The following ZNF407 variants were observed in gnomAD, a reference collection of about 807,000 sequenced individuals.
ZNF407 encodes zinc finger protein 407.
A neutral mutation model predicts 131.2 loss-of-function variants in ZNF407; 17 were observed. The observed-to-expected ratio is 0.13, with a 90% CI of 0.09 to 0.19. The LOEUF (loss-of-function observed/expected upper bound fraction) is 0.19. Among genes scored for constraint, ZNF407 ranks in the 10% least tolerant of loss-of-function variants. The pLI is 1.00. For synonymous variants in ZNF407, 1,156 were observed against 1,062.0 expected (o/e 1.09, Z -1.72); for missense variants, 2,681 against 2,830.6 (o/e 0.95, Z 1.20).
At chr18:74,964,232 G>T (rs771441750) in intron 8 of ZNF407, among the ~76,000 whole-genome samples, 9 of 152,216 alleles carry the variant, frequency 5.9e-5, no homozygotes, top group Non-Finnish European at 1.3e-4. Flanking sequence ...GTCTGGCCAT[G>T]TACTAAGCAC....
intron 1 of ZNF407, among the ~76,000 whole-genome samples, chr18:74,599,349 C>T (rs771580953): frequency 4.6e-5 from 7 of 152,058 alleles, no homozygotes; most frequent in Non-Finnish European, 1.0e-4. Context: ...TTAAGATTTA[C>T]AGAAAAGTTG....
At chr18:74,846,275 A>G (rs1455582251) in intron 4 of ZNF407, among the ~76,000 whole-genome samples, 1 of 152,190 alleles carries the variant, frequency 6.6e-6, no homozygotes, top group African/African-American at 2.4e-5. Flanking sequence ...ATCAGTTCAT[A>G]TACAGTGTTG....
intron 3 of ZNF407, among the ~76,000 whole-genome samples, chr18:74,711,000 A>G (rs1396469725): frequency 2.9e-5 from 2 of 69,456 alleles, no homozygotes; most frequent in Non-Finnish European, 6.5e-5. Context: ...CATGGATGCT[A>G]TTATCAATTC....
chr18:74,853,289 G>A (rs140617525), intron 4 of ZNF407, among the ~76,000 whole-genome samples: 252 of 152,248 alleles, frequency 1.7e-3, no homozygotes, highest in Middle Eastern at 0.014. Context: ...AGAGTAAATC[G>A]TAGAAAGCCT....
At position 74,763,871 on chromosome 18, in the gene ZNF407, G is replaced by T. The variant is rs528245353; in HGVS notation, c.4803-17557G>T. Among the ~76,000 whole-genome samples the T allele has an allele frequency of 3.1e-3, 473 of 151,014 alleles. 1 individual carries two copies. Among genetic ancestry groups the T allele is most frequent in the African/African-American group, 0.011 (445 of 41,194 alleles). On this transcript the variant is annotated intron_variant, in intron 3 of 8. Transcript: ENST00000299687. The stretch of plus-strand genomic sequence containing the variant: ...ACTACAGGCGCCCGCTACCACGCCC[G>T]GCTAATTTTTTTTTTGTATTTTTAG...
intron 4 of ZNF407, among the ~76,000 whole-genome samples, chr18:74,790,622 CTCTTA>C (rs1969808683): frequency 6.6e-6 from 1 of 152,158 alleles, no homozygotes; most frequent in African/African-American, 2.4e-5. Flanking sequence ...ATGCCTTAAG[CTCTTA>C]TCTTTAACTC....
At chr18:74,619,159 T>A (rs1205680750) in intron 1 of ZNF407, among the ~76,000 whole-genome samples, 1 of 152,196 alleles carries the variant, frequency 6.6e-6, no homozygotes, top group Non-Finnish European at 1.5e-5. Context: ...ATTATTAAGA[T>A]ACTTTTTTCT....
At chr18:74,957,692 A>T (rs1292304790) in intron 8 of ZNF407, among the ~76,000 whole-genome samples, 1 of 152,204 alleles carries the variant, frequency 6.6e-6, no homozygotes, top group Non-Finnish European at 1.5e-5. Flanking sequence ...GAAGGTAGAC[A>T]GTGCCGTAAT....
chr18:74,937,287 C>G (rs1972049729), intron 8 of ZNF407, among the ~76,000 whole-genome samples: 1 of 152,090 alleles, frequency 6.6e-6, no homozygotes, highest in South Asian at 2.1e-4. Flanking sequence ...CACTATTTGC[C>G]AGATATGAGG....
intron 3 of ZNF407, among the ~76,000 whole-genome samples, chr18:74,777,226 T>G (rs1180457387): frequency 6.6e-6 from 1 of 152,216 alleles, no homozygotes; most frequent in East Asian, 1.9e-4. Flanking sequence ...ATAAGATTTT[T>G]TTTTTTAAAC....
intron 8 of ZNF407, among the ~76,000 whole-genome samples, chr18:74,983,456 C>T (rs1972616516): frequency 6.6e-6 from 1 of 151,876 alleles, no homozygotes; most frequent in African/African-American, 2.4e-5. Flanking sequence ...GTATAACAAC[C>T]GTGATATTCT....
intron 8 of ZNF407, among the ~76,000 whole-genome samples, chr18:74,983,207 C>T (rs1392895454): frequency 6.6e-6 from 1 of 151,994 alleles, no homozygotes; most frequent in African/African-American, 2.4e-5. Flanking sequence ...TGAGTAGTAC[C>T]CGGCTTTTGC....
At chr18:74,952,924 A>G (rs1376221437) in intron 8 of ZNF407, among the ~76,000 whole-genome samples, 1 of 152,218 alleles carries the variant, frequency 6.6e-6, no homozygotes, top group Non-Finnish European at 1.5e-5. Context: ...TGGACTTGGC[A>G]GAGCCGTTGG....
At chr18:74,687,425 T>A (rs1476241060) in intron 3 of ZNF407, among the ~76,000 whole-genome samples, 1 of 152,066 alleles carries the variant, frequency 6.6e-6, no homozygotes, top group East Asian at 1.9e-4. Flanking sequence ...AGGTGTAGCA[T>A]GAGGAAGGAG....
rs141968916 is a variant in ZNF407, at chr18:74,724,028, C to G, written c.4803-57400C>G. On this transcript the variant is annotated intron_variant, in intron 3 of 8. Coordinates refer to ENST00000299687, the MANE Select transcript of ZNF407 (RefSeq NM_017757.3). ...GTATATTTATTAAAAATAGTTCTCA[C>G]TATTATTCCCAAGGCATTATATGTT... 8.2e-3 allele frequency among the ~76,000 whole-genome samples: 1,241 copies of G among 152,050 alleles called. 15 individuals carry two copies. Among genetic ancestry groups the G allele is most frequent in the African/African-American group, 0.028 (1,177 of 41,476 alleles).
At chr18:74,969,684 T>C (rs1415383796) in intron 8 of ZNF407, among the ~76,000 whole-genome samples, 2 of 152,192 alleles carry the variant, frequency 1.3e-5, no homozygotes, top group Non-Finnish European at 2.9e-5. Flanking sequence ...AAGAGGGTCT[T>C]GGGCCCTCAA....
intron 8 of ZNF407, among the ~76,000 whole-genome samples, chr18:74,975,874 T>C (rs769930166): frequency 6.6e-6 from 1 of 152,234 alleles, no homozygotes; most frequent in Non-Finnish European, 1.5e-5. Flanking sequence ...CCTTTTCTAT[T>C]GTATGTTGTT....
intron 8 of ZNF407, among the ~76,000 whole-genome samples, chr18:75,021,743 TA>T (rs1157801180): frequency 6.6e-6 from 1 of 152,052 alleles, no homozygotes; most frequent in African/African-American, 2.4e-5. Flanking sequence ...TAAATTTTTT[TA>T]ATTATAAAAT....
intron 3 of ZNF407, among the ~76,000 whole-genome samples, chr18:74,688,534 G>A (rs1293432322): frequency 6.6e-6 from 1 of 152,086 alleles, no homozygotes; most frequent in Non-Finnish European, 1.5e-5. Context: ...TCTTAATTTT[G>A]ATGAAATCTA....
Sources: allele counts gnomAD v4.1 joint callset (sites outside exome capture counted in the v4.1 genomes callset), GRCh38; gene constraint gnomAD v4.1.1; transcripts MANE v1.5; gene names NCBI Gene and HGNC (gene_info 2026-07-23, HGNC 2026-07-21).